The following BRAF variants were observed in gnomAD, a reference collection of about 807,000 sequenced individuals.
The protein encoded by BRAF is serine/threonine-protein kinase B-raf.
BRAF carries 16 observed loss-of-function variants against 104.6 expected under a neutral mutation model. The ratio of observed to expected loss-of-function variants is 0.15; its 90% CI spans 0.10 to 0.23. The LOEUF (loss-of-function observed/expected upper bound fraction) is 0.23, where lower values mean the gene tolerates loss of function less well. BRAF is among the 10% of genes least tolerant of loss of function. The probability of loss-of-function intolerance (pLI) is 1.00; values close to 1 mark genes in which losing one functional copy is unlikely to be tolerated. For missense variants in BRAF, 541 were observed against 937.3 expected (o/e 0.58, Z 5.52); for synonymous variants, 310 against 341.6 (o/e 0.91, Z 1.02).
At chr7:140,781,251 G>A in intron 12 of BRAF, 1 of 342,914 alleles carries the variant, frequency 2.9e-6, no homozygotes, top group South Asian at 2.8e-5. Context: ...TTTTTAATAT[G>A]TTTACTTGTG....
intron 1 of BRAF, among the ~76,000 whole-genome samples, chr7:140,897,393 A>G (rs1222492335): frequency 6.6e-6 from 1 of 151,996 alleles, no homozygotes; most frequent in East Asian, 1.9e-4. Context: ...CAAATACTAG[A>G]CTGCTTAAAT....
At chr7:140,923,739 C>G (rs1818522686) in intron 1 of BRAF, among the ~76,000 whole-genome samples, 1 of 152,136 alleles carries the variant, frequency 6.6e-6, no homozygotes, top group African/African-American at 2.4e-5. Flanking sequence ...CAACAGACAA[C>G]AATGTTAGGG....
intron 3 of BRAF, among the ~76,000 whole-genome samples, chr7:140,832,856 A>C (rs577902547): frequency 2.6e-5 from 4 of 151,320 alleles, no homozygotes; most frequent in South Asian, 2.1e-4. Flanking sequence ...TCTCATAAAT[A>C]TGAGGAGGCT....
At chr7:140,880,251 G>A (rs985108069) in intron 1 of BRAF, among the ~76,000 whole-genome samples, 1 of 152,152 alleles carries the variant, frequency 6.6e-6, no homozygotes, top group African/African-American at 2.4e-5. Context: ...AGTGTTCACA[G>A]CATCTTCAGC....
In BRAF at chr7:140,746,894, C is replaced by T. The variant is rs939956656; in HGVS notation, c.2112+2393G>A. Among the ~76,000 whole-genome samples the T allele has an allele frequency of 9.9e-5, 15 of 151,682 alleles. 1 individual carries two copies. The Middle Eastern group carries it at 0.01, about 104-fold the overall frequency. Reference sequence around the variant, plus strand: ...CAGAGAGGTAGGTAGACCTAGTCTACCTACCTGAGTCCAAGGCCTGCCATT... The same window carrying T: ...CAGAGAGGTAGGTAGACCTAGTCTATCTACCTGAGTCCAAGGCCTGCCATT... On this transcript the variant is annotated intron_variant, in intron 17 of 19. Coordinates refer to ENST00000644969, the MANE Select transcript of BRAF (RefSeq NM_001374258.1).
chr7:140,761,996 T>C (rs10269808), intron 14 of BRAF, among the ~76,000 whole-genome samples: 146,365 of 152,254 alleles, frequency 0.96, 70,426 homozygotes, highest in East Asian at 1. Flanking sequence ...AGAAAGTTAA[T>C]AAGGACACCC....
chr7:140,801,588 C>A (rs1467185528), intron 5 of BRAF, 28 bp from the exon 6 acceptor site: 1 of 1,602,520 alleles, frequency 6.2e-7, no homozygotes, highest in Middle Eastern at 1.8e-4. Context: ...ACAGAGATTT[C>A]AAAAACTCAC....
At chr7:140,761,168 C>A (rs1227624122) in intron 14 of BRAF, among the ~76,000 whole-genome samples, 1 of 152,156 alleles carries the variant, frequency 6.6e-6, no homozygotes, top group African/African-American at 2.4e-5. Flanking sequence ...AAGGGAAGCC[C>A]ATCAGACTAA....
At chr7:140,823,688 G>T (rs1304699126) in intron 3 of BRAF, 1 of 152,190 alleles carries the variant, frequency 6.6e-6, no homozygotes, top group Non-Finnish European at 1.5e-5. Context: ...AAGGAGAATT[G>T]ATGGATTATA....
intron 2 of BRAF, among the ~76,000 whole-genome samples, chr7:140,838,057 A>G (rs576702868): frequency 1.3e-5 from 2 of 152,162 alleles, no homozygotes; most frequent in Non-Finnish European, 2.9e-5. Flanking sequence ...GCAAACCTCA[A>G]CCACAACCAC....
At chr7:140,726,631 A>C in intron 19 of BRAF, 1 of 941,186 alleles carries the variant, frequency 1.1e-6, no homozygotes, top group East Asian at 2.6e-5. Context: ...TTTCAAGTCT[A>C]GCAACAGCAT....
At chr7:140,736,299 C>A (rs1796425501) in intron 18 of BRAF, among the ~76,000 whole-genome samples, 1 of 151,612 alleles carries the variant, frequency 6.6e-6, no homozygotes, top group South Asian at 2.1e-4. Context: ...GAACTCCTAA[C>A]CTCAACTGAT....
In BRAF at chr7:140,721,114, T is replaced by A; in HGVS notation, c.*5380A>T. On this transcript the variant is annotated 3_prime_UTR_variant, in exon 20 of 20. Coordinates refer to ENST00000644969, the MANE Select transcript of BRAF (RefSeq NM_001374258.1). ...CCTCTAAAAAATGGATACACTGGCT[T>A]ACATTGGCTGTGTCCTCATACACAC... 2.8e-6 allele frequency: 3 copies of A among 1,064,866 alleles called. No individual in the cohort carries two copies. Among genetic ancestry groups the A allele is most frequent in the Non-Finnish European group, 3.4e-6 (3 of 878,944 alleles). The allele number at this position is 1,064,866 out of a possible 1,614,324, so 66.0% of individuals were successfully genotyped here.
chr7:140,779,725 G>A (rs913011476), intron 12 of BRAF: 1 of 152,246 alleles, frequency 6.6e-6, no homozygotes, highest in Non-Finnish European at 1.5e-5. Flanking sequence ...CTGAGGTCAG[G>A]AGTTTGAGAA....
At chr7:140,829,704 G>A (rs537992247) in intron 3 of BRAF, among the ~76,000 whole-genome samples, 52 of 152,080 alleles carry the variant, frequency 3.4e-4, no homozygotes, top group African/African-American at 1.2e-3. Flanking sequence ...TCATTCTCCC[G>A]CAGATTACCA....
At position 140,783,150 on chromosome 7, in the gene BRAF, G is replaced by A. The variant is rs560543923; in HGVS notation, c.1305C>T (p.Thr435=). ...CAGGGGGGGTAGCAGACAAACCTGT[G>A]GTTGATCCTAAATTAGTGAAAAGAA... is the stretch of plus-strand genomic sequence containing the variant. ...FEPGPVFRGS[T]TGLSATPPAS... The change falls in exon 11 of 20, where the codon ACC becomes ACT. Residue 435 remains threonine, a synonymous_variant. Coordinates refer to ENST00000644969, the MANE Select transcript of BRAF (RefSeq NM_001374258.1). 6.2e-7 allele frequency: 1 copy of A among 1,613,920 alleles called. No homozygotes were observed. Among genetic ancestry groups the A allele is most frequent in the African/African-American group, 1.3e-5 (1 of 75,008 alleles).
chr7:140,749,029 T>A, intron 17 of BRAF: 1 of 437,096 alleles, frequency 2.3e-6, no homozygotes, highest in South Asian at 2.3e-5. Flanking sequence ...GGTCAAGAAA[T>A]ATCCATTCTT....
chr7:140,816,272 C>G (rs1483716115), intron 3 of BRAF, among the ~76,000 whole-genome samples: 1 of 152,170 alleles, frequency 6.6e-6, no homozygotes, highest in East Asian at 1.9e-4. Context: ...CCTGTCTACA[C>G]AGAAACTGAA....
At chr7:140,752,546 G>A (rs1462803144) in intron 16 of BRAF, among the ~76,000 whole-genome samples, 2 of 152,198 alleles carry the variant, frequency 1.3e-5, no homozygotes, top group African/African-American at 4.8e-5. Flanking sequence ...GCTTTCCACA[G>A]CTTGCTGCAA....
Sources: gnomAD v4.1 joint callset for allele counts (sites outside exome capture counted in the v4.1 genomes callset) on GRCh38, gnomAD v4.1.1 for gene constraint, MANE v1.5 for transcripts, NCBI Gene and HGNC (gene_info 2026-07-23, HGNC 2026-07-21) for gene names.